Variants in ARL6IP6 observed in about 807,000 individuals in gnomAD.
ARL6IP6 encodes ADP-ribosylation factor-like protein 6-interacting protein 6.
ARL6IP6 carries 22 observed loss-of-function variants against 21.5 expected under a neutral mutation model. That is an observed-to-expected ratio of 1.02 (90% CI 0.73 to 1.46). The LOEUF is 1.46. Ranked by LOEUF, ARL6IP6 falls within the 40% of genes most tolerant of loss-of-function variation. The pLI is 0.00. For missense variants in ARL6IP6, 388 were observed against 299.8 expected, an observed-to-expected ratio of 1.29 and a Z score of -2.17; for synonymous variants, 164 against 125.3, an observed-to-expected ratio of 1.31 and a Z score of -2.06.
chr2:152,718,593 C>A (rs757346270), upstream of ARL6IP6: 14 of 1,501,400 alleles, frequency 9.3e-6, no homozygotes, highest in South Asian at 2.8e-5. Flanking sequence ...GGGAGAGGCT[C>A]GTTCTCCGCG....
intron 3 of ARL6IP6, among the ~76,000 whole-genome samples, chr2:152,749,605 G>C (rs534714832): frequency 2.2e-4 from 33 of 152,234 alleles, no homozygotes; most frequent in Non-Finnish European, 8.8e-5. Context: ...AGCTTTGTAA[G>C]GGTAGATTCT....
intron 2 of ARL6IP6, among the ~76,000 whole-genome samples, chr2:152,724,521 G>A (rs551347093): frequency 4.5e-4 from 68 of 152,318 alleles, no homozygotes; most frequent in African/African-American, 1.6e-3. Flanking sequence ...AATTAGCCAT[G>A]TGCAGCTAAA....
chr2:152,727,694 G>A (rs1035824498), intron 2 of ARL6IP6, among the ~76,000 whole-genome samples: 5 of 152,194 alleles, frequency 3.3e-5, no homozygotes, highest in Middle Eastern at 3.4e-3. Context: ...TTACAGTCGC[G>A]TGCAGTATTT....
At chr2:152,728,685 T>C (rs1700157387) in intron 2 of ARL6IP6, among the ~76,000 whole-genome samples, 1 of 152,168 alleles carries the variant, frequency 6.6e-6, no homozygotes, top group African/African-American at 2.4e-5. Context: ...GGGATTGGGA[T>C]AGGAAATTCC....
chr2:152,736,892 T>C (rs1700578312), intron 3 of ARL6IP6, among the ~76,000 whole-genome samples: 1 of 152,202 alleles, frequency 6.6e-6, no homozygotes. Context: ...CATGCCATTT[T>C]ATATAAGGGA....
intron 3 of ARL6IP6, among the ~76,000 whole-genome samples, chr2:152,749,891 GT>G (rs1262068642): frequency 6.6e-5 from 10 of 152,160 alleles, no homozygotes; most frequent in Non-Finnish European, 1.2e-4. Flanking sequence ...AAACGTTCTG[GT>G]TTTGCCATTG....
At chr2:152,750,587 G>T (rs912691000) in intron 3 of ARL6IP6, among the ~76,000 whole-genome samples, 9 of 152,018 alleles carry the variant, frequency 5.9e-5, no homozygotes, top group African/African-American at 1.9e-4. Flanking sequence ...TTTTTCTCCT[G>T]AGAAGCATGA....
At chr2:152,729,714 G>A (rs1431789418) in intron 2 of ARL6IP6, among the ~76,000 whole-genome samples, 1 of 151,954 alleles carries the variant, frequency 6.6e-6, no homozygotes, top group African/African-American at 2.4e-5. Context: ...ATATATATAC[G>A]TTTTATATAT....
rs150022890 is a variant in ARL6IP6, at chr2:152,733,235, G to C, written c.455-1759G>C. On this transcript the variant is annotated intron_variant, in intron 2 of 3. Coordinates refer to ENST00000326446, the MANE Select transcript of ARL6IP6 (RefSeq NM_152522.7). ...TATTAATCTATTTGGGCCTTCTTCC[G>C]AATCTTGTGTTCTGCTTCGTTCTGT... 2.0e-5 allele frequency among the ~76,000 whole-genome samples: 3 copies of C among 151,990 alleles called. No homozygotes were observed. The East Asian group carries it at 5.8e-4, about 29-fold the overall frequency.
chr2:152,719,438 A>G (rs1304726092), intron 1 of ARL6IP6, among the ~76,000 whole-genome samples: 2 of 152,220 alleles, frequency 1.3e-5, no homozygotes, highest in Non-Finnish European at 2.9e-5. Context: ...CAATTCCTCT[A>G]CACAGAATCT....
chr2:152,719,069 G>T (rs377197071), intron 1 of ARL6IP6, 45 bp downstream of exon 1: 25 of 1,469,666 alleles, frequency 1.7e-5, no homozygotes, highest in African/African-American at 2.9e-5. Flanking sequence ...GTAAAGTTGA[G>T]CCAGGGTGTG....
chr2:152,732,606 T>A (rs1700371652), intron 2 of ARL6IP6: 1 of 433,264 alleles, frequency 2.3e-6, no homozygotes, highest in South Asian at 1.8e-5. Flanking sequence ...AAATTTTTTG[T>A]CATTCAATTT....
At chr2:152,734,490 T>G (rs1226025997) in intron 2 of ARL6IP6, among the ~76,000 whole-genome samples, 1 of 152,158 alleles carries the variant, frequency 6.6e-6, no homozygotes, top group African/African-American at 2.4e-5. Flanking sequence ...AAAAATCTGA[T>G]GAACTTTTTT....
At chr2:152,745,076 C>T (rs1700983609) in intron 3 of ARL6IP6, among the ~76,000 whole-genome samples, 1 of 152,080 alleles carries the variant, frequency 6.6e-6, no homozygotes, top group African/African-American at 2.4e-5. Flanking sequence ...TAGGGAGCAG[C>T]AGATAGTAAA....
intron 2 of ARL6IP6, among the ~76,000 whole-genome samples, chr2:152,723,857 C>G (rs1699906437): frequency 6.6e-6 from 1 of 152,066 alleles, no homozygotes; most frequent in Non-Finnish European, 1.5e-5. Context: ...TAAAAAGACA[C>G]AAGTTGAGTA....
intron 3 of ARL6IP6, among the ~76,000 whole-genome samples, chr2:152,740,015 A>T (rs754088174): frequency 2.6e-5 from 4 of 152,164 alleles, no homozygotes; most frequent in Non-Finnish European, 5.9e-5. Context: ...CCCTCCCATG[A>T]CGTGGGGATT....
rs1035881997 is a variant in ARL6IP6 at position 152,718,641 on chromosome 2, G to C, written c.17G>C (p.Ser6Thr). The change falls in exon 1 of 4, where the codon AGC becomes ACC. Residue 6 changes from serine to threonine, a missense_variant. Coordinates refer to ENST00000326446, the MANE Select transcript of ARL6IP6 (RefSeq NM_152522.7). MSFAE[S>T]GWRSALRRRG... is the part of the protein sequence containing the mutation. ...TTTCGCGCCATGTCGTTTGCTGAGAGCGGGTGGCGGTCGGCTCTGCGGCGC... is the reference window on the plus strand; with the variant it reads ...TTTCGCGCCATGTCGTTTGCTGAGACCGGGTGGCGGTCGGCTCTGCGGCGC... 1.4e-5 allele frequency: 22 copies of C among 1,543,420 alleles called. No individual in the cohort carries two copies. The highest frequency in any genetic ancestry group is 1.9e-5 in the Non-Finnish European group (22 of 1,144,032).
At chr2:152,740,016 C>T (rs1371240029) in intron 3 of ARL6IP6, among the ~76,000 whole-genome samples, 5 of 152,174 alleles carry the variant, frequency 3.3e-5, no homozygotes, top group East Asian at 1.9e-4. Flanking sequence ...CCTCCCATGA[C>T]GTGGGGATTA....
chr2:152,732,675 C>T, intron 2 of ARL6IP6: 1 of 320,580 alleles, frequency 3.1e-6, no homozygotes, highest in Non-Finnish European at 6.2e-6. Flanking sequence ...ATACAGTTGT[C>T]CCTCAGTATC....
Sources: allele counts gnomAD v4.1 joint callset (sites outside exome capture counted in the v4.1 genomes callset), GRCh38; gene constraint gnomAD v4.1.1; transcripts MANE v1.5; gene names NCBI Gene and HGNC (gene_info 2026-07-23, HGNC 2026-07-21).